TET3: variants seen among roughly 807,000 people sequenced by gnomAD.
TET3 encodes the protein tet methylcytosine dioxygenase 3, also known as methylcytosine dioxygenase TET3.
A neutral mutation model predicts 141.4 loss-of-function variants in TET3; 19 were observed. The ratio of observed to expected loss-of-function variants is 0.13; its 90% confidence interval spans 0.09 to 0.20. The LOEUF (loss-of-function observed/expected upper bound fraction) is 0.20, where lower values mean the gene tolerates loss of function less well. Ranked by LOEUF, TET3 falls within the 10% of genes least tolerant of loss-of-function variation. The probability of loss-of-function intolerance (pLI) is 1.00; values close to 1 mark genes in which losing one functional copy is unlikely to be tolerated. For synonymous variants in TET3, 1,043 were observed against 980.9 expected, an observed-to-expected ratio of 1.06 and a Z score of -1.18; for missense variants, 1,874 against 2,356.9, an observed-to-expected ratio of 0.80 and a Z score of 4.24.
At chr2:74,099,125 T>C in intron 10 of TET3, 151 bp from the exon 11 acceptor site, 3 of 700,588 alleles carry the variant, frequency 4.3e-6, no homozygotes, top group Non-Finnish European at 7.0e-6. Context: ...CCAAGATCAA[T>C]GTGCTTTCCA....
rs145502154 is a variant in TET3 at position 74,004,171 on chromosome 2, G to A, written c.360+1005G>A. Among the ~76,000 whole-genome samples the A allele has an allele frequency of 2.7e-3, 410 of 152,242 alleles. 1 individual carries two copies. Among genetic ancestry groups the A allele is most frequent in the African/African-American group, 9.4e-3 (391 of 41,552 alleles). On this transcript the variant is annotated intron_variant, in intron 3 of 11. Transcript: ENST00000409262. ...CAGGGCTCATGGAACTCTTCCTAGC[G>A]GAGAGGAAGCGCGTTCCTGCCCCTG...
chr2:73,990,064 C>T (rs551114463), intron 2 of TET3, among the ~76,000 whole-genome samples: 1 of 152,164 alleles, frequency 6.6e-6, no homozygotes, highest in East Asian at 1.9e-4. Flanking sequence ...AATCTTTATG[C>T]ATAAACAACT....
chr2:74,050,722 A>T (rs1687899404), intron 4 of TET3, among the ~76,000 whole-genome samples: 1 of 151,862 alleles, frequency 6.6e-6, no homozygotes, highest in South Asian at 2.1e-4. Flanking sequence ...GCTAATTTTT[A>T]AAAATTTTTT....
At chr2:74,013,048 G>A (rs61678818) in intron 3 of TET3, among the ~76,000 whole-genome samples, 3 of 150,050 alleles carry the variant, frequency 2.0e-5, no homozygotes, top group African/African-American at 4.9e-5. Context: ...AGGCTGGAGC[G>A]CAATGGCATG....
At chr2:74,012,584 G>T (rs1375655251) in intron 3 of TET3, among the ~76,000 whole-genome samples, 1 of 152,188 alleles carries the variant, frequency 6.6e-6, no homozygotes, top group East Asian at 1.9e-4. Flanking sequence ...GATGAAGCTG[G>T]AATCCAAGCC....
chr2:74,078,075 A>G (rs1573867764), intron 5 of TET3, among the ~76,000 whole-genome samples: 1 of 152,346 alleles, frequency 6.6e-6, no homozygotes. Context: ...TATCAGAAAC[A>G]GTTTTCATCC....
chr2:74,047,839 A>G lies in TET3; in HGVS notation c.1922A>G (p.Gln641Arg), dbSNP rs374326114. The G allele has an allele frequency of 6.8e-5, 109 of 1,612,552 alleles. No individual in the cohort carries two copies. The highest frequency in any genetic ancestry group is 2.5e-4 in the Admixed American group (15 of 59,856). The part of the protein sequence containing the change: ...GLRSPASQEV[Q>R]AHPPAPLPAS... The stretch of plus-strand genomic sequence containing the variant: ...AGGTCCCCAGCCTCCCAGGAAGTGC[A>G]GGCTCATCCACCGGCCCCTCTGCCT... Residue 641 changes from glutamine (Q) to arginine (R), a missense_variant, in exon 4 of 12, where the codon CAG becomes CGG. Physicochemically the swap from Gln to Arg is conservative, Grantham distance 43 (BLOSUM62 1). Coordinates refer to ENST00000409262, the MANE Select transcript of TET3 (RefSeq NM_001287491.2).
At chr2:74,039,007 T>G (rs1187684038) in intron 3 of TET3, among the ~76,000 whole-genome samples, 1 of 152,206 alleles carries the variant, frequency 6.6e-6, no homozygotes, top group African/African-American at 2.4e-5. Context: ...CAGGTCCTTA[T>G]TGTTACTAAT....
intron 3 of TET3, among the ~76,000 whole-genome samples, chr2:74,044,571 A>G (rs1251901789): frequency 6.6e-6 from 1 of 152,220 alleles, no homozygotes; most frequent in Non-Finnish European, 1.5e-5. Flanking sequence ...AGAAAGCCCT[A>G]ACAGCATGGA....
intron 5 of TET3, among the ~76,000 whole-genome samples, chr2:74,079,305 C>T (rs139663045): frequency 2.6e-5 from 4 of 152,094 alleles, no homozygotes; most frequent in Non-Finnish European, 5.9e-5. Flanking sequence ...GAGATTGCAC[C>T]ACTGCATTCC....
At chr2:74,114,928 T>C in the TET3 span, among the ~76,000 whole-genome samples, 1 of 147,270 alleles carries the variant, frequency 6.8e-6, no homozygotes, top group African/African-American at 2.5e-5. Flanking sequence ...GAATCCCACT[T>C]CTCACCCTAT....
the TET3 span, among the ~76,000 whole-genome samples, chr2:74,117,936 G>C: frequency 6.6e-6 from 1 of 151,890 alleles, no homozygotes; most frequent in Non-Finnish European, 1.5e-5. Flanking sequence ...AGTAGTGACG[G>C]GGTTTCACCA....
At chr2:74,060,971 C>G (rs575593718) in intron 4 of TET3, among the ~76,000 whole-genome samples, 5 of 152,184 alleles carry the variant, frequency 3.3e-5, no homozygotes, top group African/African-American at 1.2e-4. Flanking sequence ...ACCTTTCCCC[C>G]CTTTCTATTC....
At chr2:74,068,214 A>C (rs1689012901) in intron 4 of TET3, among the ~76,000 whole-genome samples, 1 of 151,892 alleles carries the variant, frequency 6.6e-6, no homozygotes, top group Non-Finnish European at 1.5e-5. Context: ...TTTTTACTGG[A>C]ACACAGCTGA....
intron 4 of TET3, among the ~76,000 whole-genome samples, chr2:74,061,070 C>T (rs1688494801): frequency 6.6e-6 from 1 of 151,860 alleles, no homozygotes; most frequent in Non-Finnish European, 1.5e-5. Context: ...AGAGGGGCTC[C>T]TCACTTCCCA....
the TET3 span, among the ~76,000 whole-genome samples, chr2:74,133,281 A>C: frequency 1.3e-5 from 2 of 152,204 alleles, no homozygotes; most frequent in African/African-American, 4.8e-5. Context: ...GTAATGAACA[A>C]ACATATTAAT....
the TET3 span, among the ~76,000 whole-genome samples, chr2:74,123,944 G>T: frequency 2.7e-3 from 415 of 151,018 alleles, 2 homozygotes; most frequent in Non-Finnish European, 5.1e-3. Flanking sequence ...GTCTCTGCCC[G>T]ACTGCCACCC....
intron 2 of TET3, among the ~76,000 whole-genome samples, chr2:73,987,333 A>G (rs978558681): frequency 6.6e-6 from 1 of 152,192 alleles, no homozygotes; most frequent in African/African-American, 2.4e-5. Flanking sequence ...TACTAATTGC[A>G]TGAATGGATG....
intron 4 of TET3, among the ~76,000 whole-genome samples, chr2:74,061,475 C>A (rs1360908911): frequency 1.3e-5 from 2 of 149,372 alleles, no homozygotes; most frequent in African/African-American, 4.9e-5. Flanking sequence ...GGACTGACCC[C>A]CCCACCTCCT....
Sources: gnomAD v4.1 joint callset for allele counts (sites outside exome capture counted in the v4.1 genomes callset) on GRCh38, gnomAD v4.1.1 for gene constraint, MANE v1.5 for transcripts, NCBI Gene and HGNC (gene_info 2026-07-23, HGNC 2026-07-21) for gene names.